The following BRIX1 variants were observed in gnomAD, a reference collection of about 807,000 sequenced individuals.
BRIX1 encodes the protein biogenesis of ribosomes BRX1.
BRIX1 carries 15 observed loss-of-function variants against 44.0 expected under a neutral mutation model. The ratio of observed to expected loss-of-function variants is 0.34; its 90% confidence interval spans 0.23 to 0.53. The LOEUF (loss-of-function observed/expected upper bound fraction) is 0.53. BRIX1 is among the 20% of genes least tolerant of loss of function. BRIX1 has a pLI of 0.95. For synonymous variants in BRIX1, 149 were observed against 135.4 expected, an observed-to-expected ratio of 1.10 and a Z score of -0.70; for missense variants, 420 against 432.8, an observed-to-expected ratio of 0.97 and a Z score of 0.26.
chr5:34,923,950 C>G (rs1469402682), intron 8 of BRIX1, among the ~76,000 whole-genome samples: 1 of 152,090 alleles, frequency 6.6e-6, no homozygotes, highest in East Asian at 1.9e-4. Flanking sequence ...ACTTGAAGAT[C>G]CATGAGATAC....
At position 34,922,744 on chromosome 5, in the gene BRIX1, T is replaced by C; in HGVS notation, c.486T>C (p.Ser162=). ...LKMTGNCLKG[S]RPLLSFDPAF... The stretch of plus-strand genomic sequence containing the variant: ...TGACTGGAAACTGTTTGAAAGGTTC[T>C]CGGCCCCTTTTGTCTTTTGACCCTG... The change falls in exon 6 of 10, where the codon TCT becomes TCC. Residue 162 remains serine, a synonymous_variant. Coordinates refer to ENST00000336767, the MANE Select transcript of BRIX1 (RefSeq NM_018321.4). The C allele has an allele frequency of 6.2e-7, 1 of 1,614,104 alleles. No homozygotes were observed.
chr5:34,916,946 C>T (rs1397229025), intron 1 of BRIX1, among the ~76,000 whole-genome samples: 1 of 152,158 alleles, frequency 6.6e-6, no homozygotes, highest in African/African-American at 2.4e-5. Flanking sequence ...AGTGTTCTCA[C>T]TCTTCCCTTG....
Position 34,925,607 on chromosome 5 carries a change from A to G in BRIX1, c.*112A>G. The G allele has an allele frequency of 1.1e-6, 1 of 871,170 alleles. No homozygotes were observed. Among genetic ancestry groups the G allele is most frequent in the Non-Finnish European group, 1.7e-6 (1 of 604,414 alleles). The allele number at this position is 871,170 out of a possible 1,614,324, so 54.0% of individuals were successfully genotyped here. A position where few individuals can be genotyped will look rare whatever the true frequency, so the allele number is the denominator to read the frequency against. On this transcript the variant is annotated 3_prime_UTR_variant, in exon 10 of 10. Coordinates refer to ENST00000336767, the MANE Select transcript of BRIX1 (RefSeq NM_018321.4). ...TACGTCTAATTAGTGTAGCATTTAC[A>G]AGAAAGAAAAATTAAGATCTTAAAA... is the stretch of plus-strand genomic sequence containing the variant.
chr5:34,922,532 C>T lies in BRIX1; in HGVS notation c.387-7C>T. The T allele has an allele frequency of 6.3e-7, 1 of 1,592,028 alleles. No individual in the cohort carries two copies. Among genetic ancestry groups the T allele is most frequent in the Non-Finnish European group, 8.6e-7 (1 of 1,160,752 alleles). ...TTAGTTGAAAAAGCTTACTCCATATCTTTCAGGCTTTCAAATTCACCTCAC... is the reference window on the plus strand; with the variant it reads ...TTAGTTGAAAAAGCTTACTCCATATTTTTCAGGCTTTCAAATTCACCTCAC... On this transcript the variant is annotated splice_polypyrimidine_tract_variant and splice_region_variant and intron_variant, in intron 4 of 9. Coordinates refer to ENST00000336767, the MANE Select transcript of BRIX1 (RefSeq NM_018321.4).
chr5:34,916,182 G>GTT (rs1202326552), intron 1 of BRIX1: 3 of 284,330 alleles, frequency 1.1e-5, no homozygotes, highest in African/African-American at 6.6e-5. Flanking sequence ...TAGTTGTTCA[G>GTT]TTGTTTTTTT....
In BRIX1 at chr5:34,925,626, C is replaced by T. The variant is rs1764362405; in HGVS notation, c.*131C>T. 1.4e-6 allele frequency: 1 copy of T among 704,470 alleles called. No homozygotes were observed. Among genetic ancestry groups the T allele is most frequent in the African/African-American group, 1.8e-5 (1 of 54,870 alleles). 43.6% of individuals were successfully genotyped at this position (704,470 alleles called of 1,614,324 possible). A position where few individuals can be genotyped will look rare whatever the true frequency, so the allele number is the denominator to read the frequency against. ...ATTTACAAGAAAGAAAAATTAAGATCTTAAAATCAGTGATTATCTTTTTCT... is the reference window on the plus strand; with the variant it reads ...ATTTACAAGAAAGAAAAATTAAGATTTTAAAATCAGTGATTATCTTTTTCT... On this transcript the variant is annotated 3_prime_UTR_variant, in exon 10 of 10. Transcript: ENST00000336767.
chr5:34,922,255 T>G lies in BRIX1; in HGVS notation c.354T>G (p.Phe118Leu). 1 of 1,593,790 alleles carries G rather than the reference T, an allele frequency of 6.3e-7. No homozygotes were observed. The highest frequency in any genetic ancestry group is 8.6e-7 in the Non-Finnish European group (1 of 1,165,590). Residue 118 changes from phenylalanine (F) to leucine (L), a missense_variant, in exon 4 of 10, where the codon TTT becomes TTG. By Grantham distance (22) the Phe-to-Leu change is conservative (BLOSUM62 0). Coordinates refer to ENST00000336767, the MANE Select transcript of BRIX1 (RefSeq NM_018321.4). ...EMKNCNKCIYFEAKKKQDLYM... is the reference protein window; with the variant it reads ...EMKNCNKCIYLEAKKKQDLYM... ...AGAACTGTAATAAATGCATCTATTT[T>G]GAAGCTAAGAAAAAACAGGATCTCT...
rs1382548882 is a variant in BRIX1 at position 34,925,145 on chromosome 5, G to A, written c.793-81G>A. The A allele has an allele frequency of 8.2e-6, 12 of 1,455,012 alleles. No individual in the cohort carries two copies. The Admixed American group carries it at 2.9e-4, about 36-fold the overall frequency. 90.1% of individuals were successfully genotyped at this position (1,455,012 alleles called of 1,614,324 possible). On this transcript the variant is annotated intron_variant, in intron 9 of 9. Transcript: ENST00000336767. The stretch of plus-strand genomic sequence containing the variant: ...ATGACACTGGCTGAAAGGATATATG[G>A]TTCATAACTGAAAGTCTTTGCCTTA...
At position 34,922,714 on chromosome 5, in the gene BRIX1, G is replaced by A. The variant is rs116492634; in HGVS notation, c.456G>A (p.Leu152=). Reference sequence around the variant, plus strand: ...TTCTAGTTCATACCCTCGCTGAACTGAAGATGACTGGAAACTGTTTGAAAG... The same window carrying A: ...TTCTAGTTCATACCCTCGCTGAACTAAAGATGACTGGAAACTGTTTGAAAG... ...LVQNIHTLAE[L]KMTGNCLKGS... The change falls in exon 6 of 10, where the codon CTG becomes CTA. Residue 152 remains leucine, a synonymous_variant. Coordinates refer to ENST00000336767, the MANE Select transcript of BRIX1 (RefSeq NM_018321.4). The A allele has an allele frequency of 2.1e-4, 343 of 1,613,988 alleles. No homozygotes were observed. In the African/African-American group the frequency reaches 4.0e-3, roughly 19 times the overall value.
chr5:34,922,733 T>C lies in BRIX1; in HGVS notation c.475T>C (p.Leu159=). 6.2e-7 allele frequency: 1 copy of C among 1,614,142 alleles called. No individual in the cohort carries two copies. The highest frequency in any genetic ancestry group is 8.5e-7 in the Non-Finnish European group (1 of 1,179,990). Residue 159 remains leucine (L), a synonymous_variant, in exon 6 of 10, where the codon TTG becomes CTG. Coordinates refer to ENST00000336767, the MANE Select transcript of BRIX1 (RefSeq NM_018321.4). ...TGAACTGAAGATGACTGGAAACTGT[T>C]TGAAAGGTTCTCGGCCCCTTTTGTC... is the stretch of plus-strand genomic sequence containing the variant. ...LAELKMTGNC[L]KGSRPLLSFD...
intron 1 of BRIX1, chr5:34,916,118 C>T (rs1381025780): frequency 2.2e-6 from 1 of 455,822 alleles, no homozygotes; most frequent in Non-Finnish European, 3.8e-6. Flanking sequence ...AAACCTTTAC[C>T]CGGCCCACGG....
intron 1 of BRIX1, among the ~76,000 whole-genome samples, chr5:34,917,643 C>CA (rs1401989841): frequency 6.6e-6 from 1 of 151,940 alleles, no homozygotes; most frequent in Non-Finnish European, 1.5e-5. Flanking sequence ...CCATCTCAAA[C>CA]AAACAAACAA....
intron 1 of BRIX1, 168 bp downstream of exon 1, chr5:34,916,065 A>T: frequency 4.0e-6 from 3 of 741,568 alleles, no homozygotes; most frequent in Middle Eastern, 3.9e-4. Flanking sequence ...TTTGCAGCTA[A>T]TCCTTGTGCA....
chr5:34,918,415 A>T lies in BRIX1; in HGVS notation c.211A>T (p.Asn71Tyr), dbSNP rs752419046. 6.2e-7 allele frequency: 1 copy of T among 1,608,486 alleles called. No individual in the cohort carries two copies. Among genetic ancestry groups the T allele is most frequent in the African/African-American group, 1.3e-5 (1 of 74,696 alleles). ...TCTCATCTTTTCTTCCAGAGGAATA[A>T]ATTTTAGAACAAGACATTTAATGCA... ...RILIFSSRGI[N>Y]FRTRHLMQDL... Residue 71 changes from asparagine to tyrosine, a missense_variant, in exon 2 of 10, where the codon AAT becomes TAT. Coordinates refer to ENST00000336767, the MANE Select transcript of BRIX1 (RefSeq NM_018321.4).
intron 1 of BRIX1, chr5:34,916,413 T>C (rs1451588494): frequency 6.6e-6 from 1 of 152,560 alleles, no homozygotes; most frequent in Admixed American, 6.5e-5. Flanking sequence ...GACTAGGTAG[T>C]ATGAGCTTTA....
rs1223443878 is a variant in BRIX1 at position 34,918,486 on chromosome 5, A to T, written c.271+11A>T. On this transcript the variant is annotated intron_variant, in intron 2 of 9. Coordinates refer to ENST00000336767, the MANE Select transcript of BRIX1 (RefSeq NM_018321.4). The stretch of plus-strand genomic sequence containing the variant: ...CTCATTCTAAAGCAGGTGCCTTTAT[A>T]TCATATACTTTAGAAATTTCTATCT... 1.4e-6 allele frequency: 2 copies of T among 1,466,126 alleles called. No individual in the cohort carries two copies. Among genetic ancestry groups the T allele is most frequent in the East Asian group, 2.4e-5 (1 of 42,246 alleles). 90.8% of individuals were successfully genotyped at this position (1,466,126 alleles called of 1,614,324 possible).
chr5:34,920,400 A>G (rs573500447), intron 3 of BRIX1: 1 of 152,192 alleles, frequency 6.6e-6, no homozygotes, highest in Non-Finnish European at 1.5e-5. Context: ...ATAAATTTAC[A>G]TTTTAAAGCA....
chr5:34,924,756 T>C, intron 8 of BRIX1, 91 bp from the exon 9 acceptor site: 1 of 760,674 alleles, frequency 1.3e-6, no homozygotes, highest in South Asian at 2.3e-5. Flanking sequence ...TTATCAATTA[T>C]TTCAGGCACA....
intron 1 of BRIX1, chr5:34,916,672 C>T (rs1355745544): frequency 6.6e-6 from 1 of 152,220 alleles, no homozygotes; most frequent in Admixed American, 6.5e-5. Context: ...CAAGGATTAT[C>T]TTTGACATTA....
Sources: allele counts gnomAD v4.1 joint callset (sites outside exome capture counted in the v4.1 genomes callset), GRCh38; gene constraint gnomAD v4.1.1; transcripts MANE v1.5; gene names NCBI Gene and HGNC (gene_info 2026-07-23, HGNC 2026-07-21).